TBC1D8: variants seen among roughly 807,000 people sequenced by gnomAD.
TBC1D8 encodes BUB2-like protein 1.
A neutral mutation model predicts 118.8 loss-of-function variants in TBC1D8; 65 were observed. That is an observed-to-expected ratio of 0.55 (90% CI 0.45 to 0.67). The LOEUF is 0.67. Ranked by LOEUF, TBC1D8 falls within the 30% of genes least tolerant of loss-of-function variation. TBC1D8 has a pLI of 0.00. For missense variants in TBC1D8, 1,376 were observed against 1,471.2 expected (o/e 0.94, Z 1.06); for synonymous variants, 566 against 595.8 (o/e 0.95, Z 0.73).
In TBC1D8 at chr2:101,007,832, T is replaced by A; in HGVS notation, c.3457A>T (p.Ser1153Cys). 1 of 1,613,566 alleles carries A rather than the reference T, an allele frequency of 6.2e-7. No individual in the cohort carries two copies. The highest frequency in any genetic ancestry group is 8.5e-7 in the Non-Finnish European group (1 of 1,179,654). ...CAGCTGCTGTCTTGCTACAAGTTAC[T>A]CAGCTTAAGTTCAGATTGTGATTGG... The part of the protein sequence containing the change: ...SHQSQSELKL[S>C]NL Residue 1153 changes from serine (S) to cysteine (C), a missense_variant, in exon 20 of 20, where the codon AGT (serine) becomes TGT (cysteine). Transcript: ENST00000409318.
At chr2:101,052,899 C>T (rs534084409) in intron 4 of TBC1D8, among the ~76,000 whole-genome samples, 18 of 152,300 alleles carry the variant, frequency 1.2e-4, no homozygotes, top group African/African-American at 4.3e-4. Flanking sequence ...ACTTCTCCAG[C>T]TACTTCTAGC....
intron 16 of TBC1D8, 41 bp downstream of exon 16, chr2:101,022,240 C>T (rs1680072761): frequency 1.2e-6 from 2 of 1,612,028 alleles, no homozygotes; most frequent in Non-Finnish European, 1.7e-6. Context: ...CACAGACCCA[C>T]ACCCCAAAGC....
chr2:101,110,727 A>G (rs1558712659), intron 1 of TBC1D8, among the ~76,000 whole-genome samples: 1 of 152,194 alleles, frequency 6.6e-6, no homozygotes, highest in African/African-American at 2.4e-5. Context: ...CTGTAATCCC[A>G]GCACTTTCGG....
At chr2:101,022,255 C>T in intron 16 of TBC1D8, 26 bp downstream of exon 16, 1 of 1,613,152 alleles carries the variant, frequency 6.2e-7, no homozygotes, top group Non-Finnish European at 8.5e-7. Flanking sequence ...CAAAGCACAT[C>T]ACTGCGAAAT....
intron 1 of TBC1D8, among the ~76,000 whole-genome samples, chr2:101,138,761 G>A (rs1315749048): frequency 6.6e-6 from 1 of 152,078 alleles, no homozygotes; most frequent in Non-Finnish European, 1.5e-5. Flanking sequence ...AACAGCCCTG[G>A]AGCTCCCCAA....
intron 2 of TBC1D8, among the ~76,000 whole-genome samples, chr2:101,069,587 A>AAAAAC (rs1326352174): frequency 3.3e-5 from 5 of 152,216 alleles, no homozygotes; most frequent in South Asian, 2.1e-4. Context: ...ACTCCATCTC[A>AAAAAC]AAAACAAAAC....
intron 7 of TBC1D8, 43 bp downstream of exon 7, chr2:101,038,418 G>C: frequency 6.3e-7 from 1 of 1,596,286 alleles, no homozygotes; most frequent in Non-Finnish European, 8.6e-7. Context: ...ACCACGGCCT[G>C]AGACATGAAG....
rs1343428694 is a variant in TBC1D8, at chr2:101,007,998, A to G, written c.3291T>C (p.Thr1097=). Residue 1097 remains threonine (T), a synonymous_variant, in exon 20 of 20, where the codon ACT becomes ACC. Coordinates refer to ENST00000409318, the MANE Select transcript of TBC1D8 (RefSeq NM_001330348.2). ...AFPEAAERDW[T]VSLEHILASL... is the part of the protein sequence containing the mutation. The stretch of plus-strand genomic sequence containing the variant: ...AAGCTAAAATATGTTCAAGGGAGAC[A>G]GTCCAGTCCCTTTCTGCCGCCTCTG... 2 of 1,614,058 alleles carry G rather than the reference A, an allele frequency of 1.2e-6. No homozygotes were observed. Among genetic ancestry groups the G allele is most frequent in the Non-Finnish European group, 8.5e-7 (1 of 1,179,886 alleles).
intron 1 of TBC1D8, among the ~76,000 whole-genome samples, chr2:101,105,605 A>C (rs887587814): frequency 1.5e-5 from 2 of 137,722 alleles, no homozygotes; most frequent in African/African-American, 2.7e-5. Flanking sequence ...AAAAAAAAAA[A>C]AAACATATAT....
chr2:101,050,363 CG>C (rs1308329986), intron 5 of TBC1D8, 37 bp downstream of exon 5: 1 of 1,593,516 alleles, frequency 6.3e-7, no homozygotes, highest in Non-Finnish European at 8.6e-7. Context: ...ATGGGTCCCC[CG>C]TGCGGGTGGG....
chr2:101,033,749 G>A lies in TBC1D8; in HGVS notation c.1613C>T (p.Thr538Met), dbSNP rs764988538. The change falls in exon 10 of 20, where the codon ACG (threonine) becomes ATG (methionine). Residue 538 changes from threonine to methionine, a missense_variant. Physicochemically the swap from Thr to Met is moderately conservative, Grantham distance 81. Transcript: ENST00000409318. ...GTAACCAGGGTGTGAGGCAAGATCC[G>A]TCACCGCATCTGAGTTTTAAAAGCA... is the stretch of plus-strand genomic sequence containing the variant. ...RLWLLFSDAVTDLASHPGYYG... is the reference protein window; with the variant it reads ...RLWLLFSDAVMDLASHPGYYG... 50 of 1,612,194 alleles carry A rather than the reference G, an allele frequency of 3.1e-5. No homozygotes were observed. The South Asian group carries it at 4.4e-4, about 14-fold the overall frequency.
rs375412906 is a variant in TBC1D8, at chr2:101,109,489, C to G, written c.128-19125G>C. On this transcript the variant is annotated intron_variant, in intron 1 of 19. Transcript: ENST00000409318. ...TATACACATAGAGAAAGCAACTATA[C>G]GGAAAAATGTTAATGCATGCTCCCA... Among the ~76,000 whole-genome samples, 9 of 152,188 alleles carry G rather than the reference C, an allele frequency of 5.9e-5. No individual in the cohort carries two copies. In the East Asian group the frequency reaches 1.3e-3, roughly 23 times the overall value.
At chr2:101,017,756 A>G (rs1219553464) in intron 17 of TBC1D8, 15 of 1,315,978 alleles carry the variant, frequency 1.1e-5, no homozygotes, top group Non-Finnish European at 1.6e-5. Flanking sequence ...CAAGTGACAA[A>G]AAGGATAAGA....
intron 1 of TBC1D8, among the ~76,000 whole-genome samples, chr2:101,142,976 A>G (rs1426666106): frequency 6.6e-6 from 1 of 152,186 alleles, no homozygotes; most frequent in African/African-American, 2.4e-5. Flanking sequence ...TTCCTAACTA[A>G]GAAACAAACC....
intron 5 of TBC1D8, among the ~76,000 whole-genome samples, chr2:101,043,927 C>T (rs1681541245): frequency 6.6e-6 from 1 of 151,698 alleles, no homozygotes; most frequent in South Asian, 2.1e-4. Flanking sequence ...GCAACAAGAG[C>T]AAAAGTCTGT....
chr2:101,148,877 T>G (rs1679427916), intron 1 of TBC1D8, among the ~76,000 whole-genome samples: 1 of 152,116 alleles, frequency 6.6e-6, no homozygotes. Flanking sequence ...TCTGCCACAT[T>G]AGAATTGCAC....
intron 1 of TBC1D8, among the ~76,000 whole-genome samples, chr2:101,139,067 C>A (rs1678982755): frequency 6.6e-6 from 1 of 152,082 alleles, no homozygotes; most frequent in South Asian, 2.1e-4. Context: ...CACAGGTAGT[C>A]AGAGACAGAT....
chr2:101,056,626 G>A (rs1333152592), intron 3 of TBC1D8, among the ~76,000 whole-genome samples: 1 of 152,170 alleles, frequency 6.6e-6, no homozygotes, highest in African/African-American at 2.4e-5. Flanking sequence ...TTCTAGTTAA[G>A]AGAGATGAGT....
At chr2:101,050,837 G>A (rs1426939518) in intron 4 of TBC1D8, among the ~76,000 whole-genome samples, 196 bp from the exon 5 acceptor site, 1 of 152,202 alleles carries the variant, frequency 6.6e-6, no homozygotes, top group Non-Finnish European at 1.5e-5. Context: ...CGGGTTTGCT[G>A]TACAGATTAT....
Sources: gnomAD v4.1 joint callset for allele counts (sites outside exome capture counted in the v4.1 genomes callset) on GRCh38, gnomAD v4.1.1 for gene constraint, MANE v1.5 for transcripts, NCBI Gene and HGNC (gene_info 2026-07-23, HGNC 2026-07-21) for gene names.